UBR2: variants seen among roughly 807,000 people sequenced by gnomAD.
UBR2 encodes the protein ubiquitin protein ligase E3 component n-recognin 2, also known as E3 ubiquitin-protein ligase UBR2.
A neutral mutation model predicts 247.9 loss-of-function variants in UBR2; 92 were observed. The observed-to-expected ratio is 0.37, with a 90% CI of 0.31 to 0.44. UBR2 has a LOEUF of 0.44. UBR2 is among the 20% of genes least tolerant of loss of function. UBR2 has a pLI of 1.00. For synonymous variants in UBR2, 672 were observed against 693.5 expected (o/e 0.97, Z 0.49); for missense variants, 1,613 against 2,112.6 (o/e 0.76, Z 4.64).
intron 43 of UBR2, among the ~76,000 whole-genome samples, chr6:42,684,509 G>A (rs539873204): frequency 4.0e-5 from 6 of 151,820 alleles, no homozygotes; most frequent in East Asian, 3.9e-4. Context: ...GCATGAACCC[G>A]GGAGGCGGAG....
chr6:42,665,485 T>C lies in UBR2; in HGVS notation c.3775T>C (p.Phe1259Leu). Residue 1259 changes from phenylalanine to leucine, a missense_variant, in exon 33 of 47, where the codon TTT becomes CTT. By Grantham distance (22) the Phe-to-Leu change is conservative (BLOSUM62 0). Transcript: ENST00000372901. ...ATCTCAGCAAATAAAAGCATTACAG[T>C]TTCTTAGGAAAGAAGAAAGTACTCC... ...TISQQIKALQ[F>L]LRKEESTPNN... The C allele has an allele frequency of 6.2e-7, 1 of 1,612,648 alleles. No individual in the cohort carries two copies.
chr6:42,624,121 T>TTTCG (rs1795176758), intron 11 of UBR2, among the ~76,000 whole-genome samples: 2 of 148,554 alleles, frequency 1.3e-5, no homozygotes, highest in South Asian at 4.3e-4. Flanking sequence ...ATTGCTCTTT[T>TTTCG]TTTGTTTGTT....
rs183012805 is a variant in UBR2, at chr6:42,654,230, C to T, written c.2770-1391C>T. On this transcript the variant is annotated intron_variant, in intron 25 of 46. Transcript: ENST00000372901. The stretch of plus-strand genomic sequence containing the variant: ...GTGGTGTACTAGCTCACTACTAGTA[C>T]AGCTGTACTAGCTGTCGTGTACTGT... Among the ~76,000 whole-genome samples, 349 of 152,268 alleles carry T rather than the reference C, an allele frequency of 2.3e-3. 1 individual carries two copies. The highest frequency in any genetic ancestry group is 3.6e-3 in the Non-Finnish European group (243 of 68,010).
At chr6:42,627,789 G>A (rs1795448607) in intron 11 of UBR2, among the ~76,000 whole-genome samples, 1 of 152,038 alleles carries the variant, frequency 6.6e-6, no homozygotes, top group African/African-American at 2.4e-5. Context: ...TAGCATTACA[G>A]GCATGAGCCA....
intron 36 of UBR2, 28 bp downstream of exon 36, chr6:42,670,743 ATAGTGGGGCATGGAAATTAGGTGGTT>A (rs746260790): frequency 6.3e-7 from 1 of 1,576,200 alleles, no homozygotes; most frequent in Non-Finnish European, 8.6e-7. Context: ...TCAGTTCATG[ATAGTGGGGCATGGAAATTAGGTGGTT>A]CTGCTGCTTT....
chr6:42,586,735 C>T (rs1287456299), intron 2 of UBR2, among the ~76,000 whole-genome samples: 4 of 150,892 alleles, frequency 2.7e-5, no homozygotes, highest in South Asian at 2.1e-4. Flanking sequence ...TTTACTACTT[C>T]GTGTAAAATA....
intron 25 of UBR2, among the ~76,000 whole-genome samples, chr6:42,653,770 G>A (rs1464914365): frequency 6.6e-6 from 1 of 151,520 alleles, no homozygotes; most frequent in Non-Finnish European, 1.5e-5. Context: ...TGCCTGTCAC[G>A]AAGCCCAGCT....
At chr6:42,653,606 C>CTTTTTT (rs72460060) in intron 25 of UBR2, among the ~76,000 whole-genome samples, 2 of 50,582 alleles carry the variant, frequency 4.0e-5, no homozygotes, top group African/African-American at 1.8e-4. Context: ...ATGCTAAGCC[C>CTTTTTT]TTTTTTTTTT....
In UBR2 at chr6:42,601,880, T is replaced by C. The variant is rs1793391127; in HGVS notation, c.532-1708T>C. Among the ~76,000 whole-genome samples the C allele has an allele frequency of 1.5e-5, 2 of 134,618 alleles. 1 individual carries two copies. Among genetic ancestry groups the C allele is most frequent in the Admixed American group, 1.5e-4 (2 of 13,656 alleles). 88.3% of individuals were successfully genotyped at this position (134,618 alleles called of 152,430 possible). ...TTCTCCATTCTTTTTTTTTTCTTTT[T>C]TTTTTTTTTGATGGAGTTTTGCTCT... On this transcript the variant is annotated intron_variant, in intron 4 of 46. Transcript: ENST00000372901.
intron 3 of UBR2, 148 bp downstream of exon 3, chr6:42,592,377 G>A: frequency 5.7e-6 from 3 of 530,140 alleles, no homozygotes; most frequent in Non-Finnish European, 9.2e-6. Flanking sequence ...TGGATATAGG[G>A]TGCCAGTGTA....
chr6:42,656,882 T>C (rs190673397), intron 26 of UBR2, among the ~76,000 whole-genome samples: 54 of 152,324 alleles, frequency 3.5e-4, no homozygotes, highest in Admixed American at 8.5e-4. Context: ...TTCTGGTGTG[T>C]TTATTTTAGA....
chr6:42,675,230 G>C (rs749886685), intron 38 of UBR2, among the ~76,000 whole-genome samples: 1 of 152,202 alleles, frequency 6.6e-6, no homozygotes, highest in Non-Finnish European at 1.5e-5. Flanking sequence ...CAGACAGCAG[G>C]AGGCCAACAG....
chr6:42,636,566 C>CAT (rs1315756390), intron 14 of UBR2, among the ~76,000 whole-genome samples: 1 of 152,086 alleles, frequency 6.6e-6, no homozygotes, highest in African/African-American at 2.4e-5. Context: ...CCCCTTTATC[C>CAT]ATTTTCCATA....
At chr6:42,588,738 C>A (rs1010303849) in intron 2 of UBR2, among the ~76,000 whole-genome samples, 1 of 152,174 alleles carries the variant, frequency 6.6e-6, no homozygotes, top group Non-Finnish European at 1.5e-5. Flanking sequence ...CTCCCCTCTT[C>A]CGAGATTTTG....
Position 42,659,569 on chromosome 6 carries a change from C to CT in UBR2, c.3243-87_3243-86insT. 1 of 1,027,074 alleles carries CT rather than the reference C, an allele frequency of 9.7e-7. No homozygotes were observed. Among genetic ancestry groups the CT allele is most frequent in the South Asian group, 1.4e-5 (1 of 69,356 alleles). 63.6% of individuals were successfully genotyped at this position (1,027,074 alleles called of 1,614,324 possible). On this transcript the variant is annotated intron_variant, in intron 29 of 46. Transcript: ENST00000372901. The surrounding 1 kb of genome is among the most constrained non-coding windows in gnomAD (Gnocchi z 4.3). ...CACACACACACACACACACTACACA[C>CT]ACACACACATACCTGTAGTCTGCTA...
chr6:42,604,933 A>C (rs1793606535), intron 5 of UBR2, among the ~76,000 whole-genome samples: 1 of 152,002 alleles, frequency 6.6e-6, no homozygotes, highest in Non-Finnish European at 1.5e-5. Flanking sequence ...AGGCTGAGGC[A>C]GGAGGATCAA....
At chr6:42,652,466 C>A in intron 24 of UBR2, 25 bp from the exon 25 acceptor site, 1 of 1,576,624 alleles carries the variant, frequency 6.3e-7, no homozygotes, top group Non-Finnish European at 8.6e-7. Context: ...GTAAAAGAAA[C>A]CAATAATAAC....
chr6:42,646,827 A>G (rs2151962658), intron 21 of UBR2, among the ~76,000 whole-genome samples: 1 of 146,874 alleles, frequency 6.8e-6, no homozygotes, highest in East Asian at 2.0e-4. Context: ...ATATAGAGAG[A>G]GAGAGAGAGA....
Position 42,667,065 on chromosome 6 carries a change from A to G in UBR2, c.3881+820A>G, listed in dbSNP as rs143296610. On this transcript the variant is annotated intron_variant, in intron 34 of 46. Transcript: ENST00000372901. ...CAGACCTAAAGACTTGAATAGAAAAAAACATCATGCCTATAATCCCAGGAC... is the reference window on the plus strand; with the variant it reads ...CAGACCTAAAGACTTGAATAGAAAAGAACATCATGCCTATAATCCCAGGAC... 7.6e-4 allele frequency among the ~76,000 whole-genome samples: 116 copies of G among 152,170 alleles called. No homozygotes were observed. In the East Asian group the frequency reaches 0.015, roughly 20 times the overall value.
Sources: allele counts gnomAD v4.1 joint callset (sites outside exome capture counted in the v4.1 genomes callset), GRCh38; gene constraint gnomAD v4.1.1; non-coding constraint Gnocchi (gnomAD v3.1); transcripts MANE v1.5; gene names NCBI Gene and HGNC (gene_info 2026-07-23, HGNC 2026-07-21).